GALNT16: variants seen among roughly 807,000 people sequenced by gnomAD.
GALNT16 encodes the protein polypeptide N-acetylgalactosaminyltransferase 16, also known as UDP-GalNAc:polypeptide N-acetylgalactosaminyltransferase-like protein 1.
Under a neutral mutation model 76.1 loss-of-function variants are expected in GALNT16, and 40 were observed. That is an observed-to-expected ratio of 0.53 (90% CI 0.41 to 0.68). The LOEUF (loss-of-function observed/expected upper bound fraction) is 0.68, where lower values mean the gene tolerates loss of function less well. Ranked by LOEUF, GALNT16 falls within the 30% of genes least tolerant of loss-of-function variation. The pLI is 0.00. For synonymous variants in GALNT16, 276 were observed against 285.2 expected (o/e 0.97, Z 0.32); for missense variants, 621 against 731.9 (o/e 0.85, Z 1.75).
intron 1 of GALNT16, among the ~76,000 whole-genome samples, chr14:69,278,815 C>G (rs745628037): frequency 5.3e-5 from 8 of 152,104 alleles, no homozygotes; most frequent in Non-Finnish European, 1.0e-4. Context: ...AGATAAATAC[C>G]TCAAAATAAA....
At chr14:69,316,782 G>GGGGC (rs143639037) in intron 1 of GALNT16, among the ~76,000 whole-genome samples, 20 of 139,690 alleles carry the variant, frequency 1.4e-4, no homozygotes, top group South Asian at 4.9e-4. Flanking sequence ...TGTGAGGGGG[G>GGGGC]GGGGCACTGA....
chr14:69,270,054 C>T (rs1488781415), intron 1 of GALNT16, among the ~76,000 whole-genome samples: 2 of 151,896 alleles, frequency 1.3e-5, no homozygotes, highest in East Asian at 3.9e-4. Context: ...TCGTGGTGTT[C>T]TCTTCTGGTA....
chr14:69,274,696 A>G, intron 1 of GALNT16, among the ~76,000 whole-genome samples: 1 of 152,184 alleles, frequency 6.6e-6, no homozygotes. Flanking sequence ...AGCCTTGGAA[A>G]TCTCATAAAC....
intron 2 of GALNT16, among the ~76,000 whole-genome samples, chr14:69,321,683 C>T (rs138490578): frequency 4.9e-4 from 75 of 152,320 alleles, no homozygotes; most frequent in Non-Finnish European, 8.4e-4. Context: ...CTAAACGCAC[C>T]TCCTCCGCCC....
chr14:69,288,302 C>T (rs867345446), intron 1 of GALNT16, among the ~76,000 whole-genome samples: 1 of 152,346 alleles, frequency 6.6e-6, no homozygotes, highest in East Asian at 1.9e-4. Flanking sequence ...CCCACTACCC[C>T]CTGCTGCGTC....
At chr14:69,281,917 A>G (rs2044547577) in intron 1 of GALNT16, among the ~76,000 whole-genome samples, 1 of 152,222 alleles carries the variant, frequency 6.6e-6, no homozygotes, top group South Asian at 2.1e-4. Context: ...CATTAAAGAA[A>G]CAACACTCAT....
In GALNT16 at chr14:69,325,217, A is replaced by G. The variant is rs11852159; in HGVS notation, c.435-120A>G. On this transcript the variant is annotated intron_variant, in intron 3 of 14. Transcript: ENST00000448469. The stretch of plus-strand genomic sequence containing the variant: ...TAGACAAGAATAGGATTCAGGTAGG[A>G]GCGCCCAGCATGCTGGCCCTGGAGC... 3.0e-3 allele frequency: 2,212 copies of G among 729,806 alleles called. 26 individuals carry two copies. Among genetic ancestry groups the G allele is most frequent in the African/African-American group, 0.023 (1,307 of 57,580 alleles). 45.2% of individuals were successfully genotyped at this position (729,806 alleles called of 1,614,324 possible).
intron 1 of GALNT16, among the ~76,000 whole-genome samples, chr14:69,293,079 T>A (rs1566867653): frequency 1.4e-5 from 1 of 71,586 alleles, no homozygotes; most frequent in Non-Finnish European, 2.6e-5. Context: ...TCCAAGCAGG[T>A]TTTTTTTTCC....
the GALNT16 span, among the ~76,000 whole-genome samples, chr14:69,366,733 TC>T: frequency 1.3e-5 from 2 of 152,192 alleles, no homozygotes; most frequent in African/African-American, 4.8e-5. Context: ...TGAGAGTAAT[TC>T]CCTGATACCA....
intron 1 of GALNT16, among the ~76,000 whole-genome samples, chr14:69,307,032 G>T (rs776877197): frequency 2.0e-5 from 3 of 152,138 alleles, no homozygotes; most frequent in Non-Finnish European, 4.4e-5. Flanking sequence ...TCCAAAGCTA[G>T]CATGCGCATC....
intron 1 of GALNT16, among the ~76,000 whole-genome samples, chr14:69,301,141 G>A (rs1021735174): frequency 6.6e-6 from 1 of 152,150 alleles, no homozygotes; most frequent in African/African-American, 2.4e-5. Flanking sequence ...TTGCACCAGG[G>A]ATTCTGAATC....
chr14:69,306,427 T>G lies in GALNT16; in HGVS notation c.178-14284T>G, dbSNP rs567555155. 1.5e-4 allele frequency among the ~76,000 whole-genome samples: 23 copies of G among 152,332 alleles called. No homozygotes were observed. In the South Asian group the frequency reaches 4.8e-3, roughly 32 times the overall value. ...CTGTTAAATTTATCTCTAAAAGATTTATACCAGTTTATACTCCCACTAATA... is the reference window on the plus strand; with the variant it reads ...CTGTTAAATTTATCTCTAAAAGATTGATACCAGTTTATACTCCCACTAATA... On this transcript the variant is annotated intron_variant, in intron 1 of 14. Coordinates refer to ENST00000448469, the MANE Select transcript of GALNT16 (RefSeq NM_001168368.2).
At chr14:69,337,218 T>G (rs2045426370) in intron 9 of GALNT16, among the ~76,000 whole-genome samples, 2 of 152,218 alleles carry the variant, frequency 1.3e-5, no homozygotes, top group Admixed American at 1.3e-4. Context: ...GTGAACTTGA[T>G]GCTGCACTTC....
Position 69,333,124 on chromosome 14 carries a change from C to G in GALNT16, c.818C>G (p.Pro273Arg). The G allele has an allele frequency of 6.2e-7, 1 of 1,613,936 alleles. No homozygotes were observed. Among genetic ancestry groups the G allele is most frequent in the Non-Finnish European group, 8.5e-7 (1 of 1,179,798 alleles). The part of the protein sequence containing the change: ...WSLHFKWEQI[P>R]LEQKMTRTDP... ...CTGCATTTCAAGTGGGAGCAGATCC[C>G]TCTTGAGCAGAAGATGACCCGGACA... Residue 273 changes from proline to arginine, a missense_variant, in exon 8 of 15, where the codon CCT becomes CGT. Physicochemically the swap from Pro to Arg is moderately radical, Grantham distance 103. Coordinates refer to ENST00000448469, the MANE Select transcript of GALNT16 (RefSeq NM_001168368.2). The surrounding 1 kb of genome is among the most constrained non-coding windows in gnomAD (Gnocchi z 4.2).
At chr14:69,277,092 A>C (rs1315842480) in intron 1 of GALNT16, among the ~76,000 whole-genome samples, 4 of 152,258 alleles carry the variant, frequency 2.6e-5, no homozygotes, top group Non-Finnish European at 4.4e-5. Flanking sequence ...ACGAGATCCC[A>C]GGACCTGCAG....
At chr14:69,336,102 G>A (rs1003444822) in intron 9 of GALNT16, among the ~76,000 whole-genome samples, 6 of 152,096 alleles carry the variant, frequency 3.9e-5, no homozygotes, top group South Asian at 4.2e-4. Flanking sequence ...CTCACTCCAC[G>A]TGGGCTGCAC....
chr14:69,292,432 A>G (rs955085503), intron 1 of GALNT16, among the ~76,000 whole-genome samples: 10 of 152,216 alleles, frequency 6.6e-5, no homozygotes, highest in East Asian at 5.8e-4. Flanking sequence ...CCTGAGGCCA[A>G]TGCAGGCAGG....
intron 4 of GALNT16, 50 bp from the exon 5 acceptor site, chr14:69,325,912 G>A (rs757984972): frequency 4.2e-5 from 60 of 1,445,444 alleles, no homozygotes; most frequent in Non-Finnish European, 5.5e-5. Context: ...AACCACTAGT[G>A]GCCTGATGCC....
chr14:69,372,545 G>C, the GALNT16 span, among the ~76,000 whole-genome samples: 1 of 145,274 alleles, frequency 6.9e-6, no homozygotes. Context: ...GCCCAGGCTG[G>C]AGTGCAGTGA....
Sources: gnomAD v4.1 joint callset for allele counts (sites outside exome capture counted in the v4.1 genomes callset) on GRCh38, gnomAD v4.1.1 for gene constraint, Gnocchi (gnomAD v3.1) non-coding constraint, MANE v1.5 for transcripts, NCBI Gene and HGNC (gene_info 2026-07-23, HGNC 2026-07-21) for gene names.